TSGA10: variants seen among roughly 807,000 people sequenced by gnomAD.
TSGA10 encodes testis-specific gene 10 protein.
Under a neutral mutation model 96.6 loss-of-function variants are expected in TSGA10, and 43 were observed. The ratio of observed to expected loss-of-function variants is 0.44; its 90% CI spans 0.35 to 0.57. The LOEUF is 0.57. Among genes scored for constraint, TSGA10 ranks in the 20% least tolerant of loss-of-function variants. The pLI, the probability that TSGA10 is intolerant of heterozygous loss-of-function variation, is 0.01. For missense variants in TSGA10, 703 were observed against 834.4 expected (o/e 0.84, Z 1.94); for synonymous variants, 229 against 269.9 (o/e 0.85, Z 1.48).
intron 20 of TSGA10, 116 bp downstream of exon 20, chr2:99,018,084 C>G: frequency 1.1e-6 from 1 of 920,176 alleles, no homozygotes. Flanking sequence ...TCTTGGTAAT[C>G]ATGTTTAAAT....
chr2:99,084,885 G>T (rs2088050309), intron 10 of TSGA10, among the ~76,000 whole-genome samples: 1 of 151,734 alleles, frequency 6.6e-6, no homozygotes, highest in Admixed American at 6.6e-5. Flanking sequence ...TAAGACATTT[G>T]AGATGGCCAG....
chr2:99,153,959 T>G (rs1292369814), intron 1 of TSGA10, among the ~76,000 whole-genome samples: 1 of 152,206 alleles, frequency 6.6e-6, no homozygotes, highest in Non-Finnish European at 1.5e-5. Flanking sequence ...GACCACAAAT[T>G]CTTTGGGCTT....
At chr2:99,004,009 G>C (rs1290895480) in intron 20 of TSGA10, among the ~76,000 whole-genome samples, 15 of 152,188 alleles carry the variant, frequency 9.9e-5, no homozygotes, top group Admixed American at 8.5e-4. Context: ...GAATCCAGGA[G>C]CTGGTTTTTT....
intron 1 of TSGA10, among the ~76,000 whole-genome samples, chr2:99,135,370 T>C (rs1488901579): frequency 6.6e-6 from 1 of 152,204 alleles, no homozygotes; most frequent in Non-Finnish European, 1.5e-5. Flanking sequence ...CCCACCAGCT[T>C]TGTTTACACT....
At chr2:99,004,628 T>G (rs577997202) in intron 20 of TSGA10, among the ~76,000 whole-genome samples, 440 of 151,780 alleles carry the variant, frequency 2.9e-3, no homozygotes, top group African/African-American at 9.0e-3. Flanking sequence ...AATAACAGGC[T>G]CTGAAACTGT....
At chr2:99,137,647 T>C (rs1329483224) in intron 1 of TSGA10, among the ~76,000 whole-genome samples, 1 of 151,954 alleles carries the variant, frequency 6.6e-6, no homozygotes, top group Non-Finnish European at 1.5e-5. Context: ...GTGTGGAGAA[T>C]AGGTTGTAGG....
At chr2:99,018,858 A>T (rs1242816186) in intron 18 of TSGA10, among the ~76,000 whole-genome samples, 3 of 152,202 alleles carry the variant, frequency 2.0e-5, no homozygotes, top group Non-Finnish European at 4.4e-5. Context: ...TCCCAGTCCC[A>T]TTTAATTAGT....
At chr2:99,143,229 C>T (rs1176587432) in intron 1 of TSGA10, among the ~76,000 whole-genome samples, 1 of 150,400 alleles carries the variant, frequency 6.6e-6, no homozygotes, top group Non-Finnish European at 1.5e-5. Context: ...GCAACCTCCG[C>T]CTCCCGGGTT....
At chr2:99,066,356 G>A (rs1046035479) in intron 15 of TSGA10, among the ~76,000 whole-genome samples, 26 of 152,172 alleles carry the variant, frequency 1.7e-4, no homozygotes, top group African/African-American at 6.3e-4. Flanking sequence ...GTTGTGTACA[G>A]AGTATGTACT....
chr2:99,113,434 G>C (rs2091980933), intron 4 of TSGA10, among the ~76,000 whole-genome samples: 1 of 152,168 alleles, frequency 6.6e-6, no homozygotes, highest in South Asian at 2.1e-4. Context: ...CCTAGAGAGA[G>C]GTCCACCTAG....
At chr2:99,013,567 G>A (rs1239012260) in intron 20 of TSGA10, among the ~76,000 whole-genome samples, 4 of 151,462 alleles carry the variant, frequency 2.6e-5, no homozygotes, top group African/African-American at 4.8e-5. Context: ...TCCTGATGTC[G>A]TGATCCGCCT....
chr2:99,141,444 T>A, intron 1 of TSGA10: 1 of 173,430 alleles, frequency 5.8e-6, no homozygotes, highest in Non-Finnish European at 1.3e-5. Flanking sequence ...CGACCTTCCT[T>A]CTCGCGGGGT....
chr2:99,149,748 C>T (rs2093671299), intron 1 of TSGA10, among the ~76,000 whole-genome samples: 2 of 143,620 alleles, frequency 1.4e-5, no homozygotes, highest in East Asian at 4.3e-4. Context: ...GGCCGATCAT[C>T]TCTTTTTACA....
At chr2:99,127,402 C>T (rs1278929610) in intron 1 of TSGA10, among the ~76,000 whole-genome samples, 1 of 152,124 alleles carries the variant, frequency 6.6e-6, no homozygotes, top group Non-Finnish European at 1.5e-5. Context: ...ATTCCCTACA[C>T]TATCCTTTTG....
intron 16 of TSGA10, among the ~76,000 whole-genome samples, chr2:99,059,052 ATATATATATATATATATTTATATATTTT>A (rs1204692149): frequency 3.3e-5 from 2 of 61,258 alleles, no homozygotes; most frequent in Admixed American, 2.0e-4. Context: ...AAAAAATAAT[ATATATATATATATATATTTATATATTTT>A]TATATATATA....
chr2:99,153,407 G>A lies in TSGA10; in HGVS notation c.-621+1286C>T, dbSNP rs557390131. Among the ~76,000 whole-genome samples, 3 of 152,314 alleles carry A rather than the reference G, an allele frequency of 2.0e-5. No individual in the cohort carries two copies. In the South Asian group the frequency reaches 6.2e-4, roughly 32 times the overall value. ...AAGTGGAAAGAGAAATGAGGTCACT[G>A]GAGGATTGTTAAAGAGTACAGCATG... On this transcript the variant is annotated intron_variant, in intron 1 of 20. Transcript: ENST00000393483.
chr2:99,014,306 G>A (rs1032657537), intron 20 of TSGA10, among the ~76,000 whole-genome samples: 2 of 152,174 alleles, frequency 1.3e-5, no homozygotes, highest in Middle Eastern at 3.2e-3. Context: ...CTGCACTCCA[G>A]CCTGAGCAAC....
chr2:99,012,262 G>T (rs980922497), intron 20 of TSGA10, among the ~76,000 whole-genome samples: 1 of 152,060 alleles, frequency 6.6e-6, no homozygotes, highest in Non-Finnish European at 1.5e-5. Flanking sequence ...ATAACACAAT[G>T]GGGGAAGAAA....
intron 1 of TSGA10, among the ~76,000 whole-genome samples, chr2:99,151,715 A>G (rs1053785494): frequency 2.0e-5 from 3 of 152,150 alleles, no homozygotes; most frequent in South Asian, 2.1e-4. Flanking sequence ...TTCCCCCCAC[A>G]TAGAATCCAT....
Sources: allele counts gnomAD v4.1 joint callset (sites outside exome capture counted in the v4.1 genomes callset), GRCh38; gene constraint gnomAD v4.1.1; transcripts MANE v1.5; gene names NCBI Gene and HGNC (gene_info 2026-07-23, HGNC 2026-07-21).